DSG1: variants seen among roughly 807,000 people sequenced by gnomAD.
The protein encoded by DSG1 is desmoglein-1.
In DSG1, 39 loss-of-function variants were observed where a neutral mutation model predicts 97.5. That is an observed-to-expected ratio of 0.40 (90% CI 0.31 to 0.52). The LOEUF (loss-of-function observed/expected upper bound fraction) is 0.52. Ranked by LOEUF, DSG1 falls within the 20% of genes least tolerant of loss-of-function variation. The pLI, the probability that DSG1 is intolerant of heterozygous loss-of-function variation, is 0.53. For synonymous variants in DSG1, 475 were observed against 443.4 expected (o/e 1.07, Z -0.90); for missense variants, 1,311 against 1,295.4 (o/e 1.01, Z -0.18).
At chr18:31,347,989 T>TTG (rs2071856441) in intron 14 of DSG1, among the ~76,000 whole-genome samples, 1 of 152,154 alleles carries the variant, frequency 6.6e-6, no homozygotes, top group Non-Finnish European at 1.5e-5. Flanking sequence ...TTATTATACT[T>TTG]TAAGTTTTAG....
chr18:31,354,073 A>C (rs2071928902), intron 14 of DSG1: 1 of 535,132 alleles, frequency 1.9e-6, no homozygotes, highest in Non-Finnish European at 3.3e-6. Context: ...CATCTAAGTA[A>C]ATTTTTAAAA....
At chr18:31,339,395 G>C (rs1265275293) in intron 10 of DSG1, among the ~76,000 whole-genome samples, 1 of 151,960 alleles carries the variant, frequency 6.6e-6, no homozygotes, top group Non-Finnish European at 1.5e-5. Flanking sequence ...ATATCAGCAG[G>C]TGTCGTCCTT....
chr18:31,340,110 G>A (rs1053126549), intron 11 of DSG1, 85 bp downstream of exon 11: 16 of 1,367,134 alleles, frequency 1.2e-5, no homozygotes, highest in East Asian at 2.3e-5. Context: ...TTGATAAAAC[G>A]TATTTTACAA....
In DSG1 at chr18:31,343,524, G is replaced by C. The variant is rs200028630; in HGVS notation, c.1762G>C (p.Glu588Gln). Residue 588 changes from glutamate to glutamine, a missense_variant, in exon 12 of 15, where the codon GAA (glutamate) becomes CAA (glutamine). By Grantham distance (29) the Glu-to-Gln change is conservative. Transcript: ENST00000257192. ...RSAAGFEPVP[E>Q]CSDGAIHSWA... Reference sequence around the variant, plus strand: ...TGCAGCTGGCTTTGAGCCTGTTCCCGAATGTTCAGATGGAGCAATTCATTC... The same window carrying C: ...TGCAGCTGGCTTTGAGCCTGTTCCCCAATGTTCAGATGGAGCAATTCATTC... 4.1e-5 allele frequency: 66 copies of C among 1,613,974 alleles called. No homozygotes were observed. The highest frequency in any genetic ancestry group is 8.9e-5 in the East Asian group (4 of 44,874).
rs1760652774 is a variant in DSG1, at chr18:31,319,818, CTATT to C, written c.48+1473_48+1476del. ...TCAAATTTCTTTAAACAGCCACTTC[CTATT>C]TAGTCATTCTTCAATAAAATGTATC... On this transcript the variant is annotated intron_variant, in intron 1 of 14. Transcript: ENST00000257192. 2.0e-5 allele frequency among the ~76,000 whole-genome samples: 3 copies of C among 151,976 alleles called. No individual in the cohort carries two copies. In the South Asian group the frequency reaches 6.2e-4, roughly 32 times the overall value.
intron 1 of DSG1, among the ~76,000 whole-genome samples, chr18:31,323,244 A>G (rs572274627): frequency 1.3e-5 from 2 of 152,250 alleles, no homozygotes; most frequent in African/African-American, 4.8e-5. Flanking sequence ...ACAGACTCCA[A>G]ACTCATTTGG....
intron 1 of DSG1, among the ~76,000 whole-genome samples, chr18:31,326,115 G>T (rs560811262): frequency 6.6e-6 from 1 of 151,404 alleles, no homozygotes; most frequent in South Asian, 2.1e-4. Context: ...TATCTATTGT[G>T]GCAATTTTTT....
At chr18:31,329,471 C>T (rs1036198382) in intron 4 of DSG1, among the ~76,000 whole-genome samples, 2 of 152,018 alleles carry the variant, frequency 1.3e-5, no homozygotes, top group African/African-American at 4.8e-5. Context: ...TGATCCCCCA[C>T]AAACTTTAAA....
rs2071975243 is a variant in DSG1 at position 31,358,254 on chromosome 18, AC to A, written c.*2910del. ...AAAATCAGTGTATTATAAATACTTT[AC>A]CATTTAATATCAACCAAAATACCAT... On this transcript the variant is annotated 3_prime_UTR_variant, in exon 15 of 15. Transcript: ENST00000257192. 6.6e-6 allele frequency among the ~76,000 whole-genome samples: 1 copy of A among 152,028 alleles called. No homozygotes were observed. The highest frequency in any genetic ancestry group is 2.4e-5 in the African/African-American group (1 of 41,456).
At chr18:31,326,666 T>A in intron 2 of DSG1, 50 bp downstream of exon 2, 1 of 1,482,900 alleles carries the variant, frequency 6.7e-7, no homozygotes. Flanking sequence ...AGAAAATAAT[T>A]TGAGAATAAC....
intron 14 of DSG1, among the ~76,000 whole-genome samples, chr18:31,353,655 C>T (rs1211365660): frequency 6.6e-6 from 1 of 152,090 alleles, no homozygotes; most frequent in African/African-American, 2.4e-5. Context: ...GAGCCAGGTG[C>T]AGGATATAAT....
intron 14 of DSG1, among the ~76,000 whole-genome samples, chr18:31,352,478 G>T (rs1282402786): frequency 6.7e-6 from 1 of 150,330 alleles, no homozygotes; most frequent in Admixed American, 6.6e-5. Flanking sequence ...GAGTATCTTT[G>T]TGGCATTCTC....
chr18:31,345,793 T>C (rs2071828119), intron 13 of DSG1, among the ~76,000 whole-genome samples, 197 bp from the exon 14 acceptor site: 1 of 152,204 alleles, frequency 6.6e-6, no homozygotes, highest in South Asian at 2.1e-4. Context: ...AACAGATAAT[T>C]ATCAAATTAA....
At chr18:31,320,271 T>C (rs1039905547) in intron 1 of DSG1, among the ~76,000 whole-genome samples, 1 of 152,164 alleles carries the variant, frequency 6.6e-6, no homozygotes, top group African/African-American at 2.4e-5. Context: ...TCATTATAAA[T>C]GCATGCTTTT....
chr18:31,331,603 G>T, intron 5 of DSG1, 98 bp from the exon 6 acceptor site: 1 of 1,078,220 alleles, frequency 9.3e-7, no homozygotes, highest in Non-Finnish European at 1.4e-6. Flanking sequence ...CACATCATAA[G>T]GATCAACTAA....
At chr18:31,347,488 T>C (rs1428618800) in intron 14 of DSG1, among the ~76,000 whole-genome samples, 1 of 152,192 alleles carries the variant, frequency 6.6e-6, no homozygotes, top group Non-Finnish European at 1.5e-5. Flanking sequence ...TCTGGTATTG[T>C]TCATTATGCA....
chr18:31,339,967 T>C lies in DSG1; in HGVS notation c.1629T>C (p.Asn543=), dbSNP rs1361310170. 5.6e-6 allele frequency: 9 copies of C among 1,614,112 alleles called. No homozygotes were observed. In the South Asian group the frequency reaches 9.9e-5, roughly 18 times the overall value. Residue 543 remains asparagine (N), a synonymous_variant, in exon 11 of 15, where the codon AAT becomes AAC. Coordinates refer to ENST00000257192, the MANE Select transcript of DSG1 (RefSeq NM_001942.4). ...GAGCCAAAGATTTGTTATCAGACAATGTACATTTTGGTCCTGCTGGCATTG... is the reference window on the plus strand; with the variant it reads ...GAGCCAAAGATTTGTTATCAGACAACGTACATTTTGGTCCTGCTGGCATTG... ...GNGAKDLLSD[N]VHFGPAGIGL... is the part of the protein sequence containing the mutation.
At chr18:31,353,020 C>T (rs1484380077) in intron 14 of DSG1, among the ~76,000 whole-genome samples, 187 of 147,234 alleles carry the variant, frequency 1.3e-3, no homozygotes, top group African/African-American at 4.3e-3. Flanking sequence ...TGAGGAACTG[C>T]GTTCCTTTGG....
intron 7 of DSG1, 135 bp from the exon 8 acceptor site, chr18:31,333,882 T>C (rs1225242908): frequency 8.6e-7 from 1 of 1,156,226 alleles, no homozygotes; most frequent in Non-Finnish European, 1.3e-6. Flanking sequence ...TAAATGGAGT[T>C]AAGCAATGAA....
Sources: gnomAD v4.1 joint callset for allele counts (sites outside exome capture counted in the v4.1 genomes callset) on GRCh38, gnomAD v4.1.1 for gene constraint, MANE v1.5 for transcripts, NCBI Gene and HGNC (gene_info 2026-07-23, HGNC 2026-07-21) for gene names.